Variants in VAV2 observed in about 807,000 individuals in gnomAD.
The protein encoded by VAV2 is vav guanine nucleotide exchange factor 2.
Under a neutral mutation model 132.5 loss-of-function variants are expected in VAV2, and 67 were observed. The ratio of observed to expected loss-of-function variants is 0.51; its 90% CI spans 0.42 to 0.62. The LOEUF (loss-of-function observed/expected upper bound fraction) is 0.62, where lower values mean the gene tolerates loss of function less well. VAV2 is among the 20% of genes least tolerant of loss of function. VAV2 has a pLI of 0.00. For synonymous variants in VAV2, 492 were observed against 443.5 expected (o/e 1.11, Z -1.37); for missense variants, 938 against 1,153.6 (o/e 0.81, Z 2.71).
intron 4 of VAV2, among the ~76,000 whole-genome samples, chr9:133,814,661 G>A (rs2131711470): frequency 6.6e-6 from 1 of 152,370 alleles, no homozygotes; most frequent in East Asian, 1.9e-4. Context: ...AGATCGTCCC[G>A]TGCAGGGATG....
chr9:133,849,139 A>G (rs879877406), intron 3 of VAV2, among the ~76,000 whole-genome samples: 1 of 152,076 alleles, frequency 6.6e-6, no homozygotes, highest in Non-Finnish European at 1.5e-5. Flanking sequence ...AAAGGGAAGG[A>G]CAGGAGTTGG....
At chr9:133,820,358 C>T (rs1835739069) in intron 4 of VAV2, among the ~76,000 whole-genome samples, 1 of 150,436 alleles carries the variant, frequency 6.6e-6, no homozygotes, top group South Asian at 2.1e-4. Context: ...CGGAGTCTCG[C>T]TGTCGCCCAG....
Position 133,773,997 on chromosome 9 carries a change from G to GACC in VAV2, c.2135+935_2135+937dup, listed in dbSNP as rs201470701. 3.5e-3 allele frequency among the ~76,000 whole-genome samples: 538 copies of GACC among 152,218 alleles called. 1 individual carries two copies. The highest frequency in any genetic ancestry group is 0.017 in the Middle Eastern group (5 of 294). The stretch of plus-strand genomic sequence containing the variant: ...TTTCAGCTCCATTATAATCTTACGG[G>GACC]ACCACCACCACATATGGGGTCCCTC... On this transcript the variant is annotated intron_variant, in intron 25 of 29. Coordinates refer to ENST00000371850, the MANE Select transcript of VAV2 (RefSeq NM_001134398.2).
chr9:133,818,365 CAAA>C (rs34171114), intron 4 of VAV2, among the ~76,000 whole-genome samples: 4 of 99,644 alleles, frequency 4.0e-5, no homozygotes. Context: ...GACTCCATCT[CAAA>C]AAAAAAAAAA....
At chr9:133,936,021 C>A (rs560595905) in intron 2 of VAV2, among the ~76,000 whole-genome samples, 2 of 152,120 alleles carry the variant, frequency 1.3e-5, no homozygotes, top group Admixed American at 6.5e-5. Context: ...CCCTGGGGCA[C>A]GTGCGGTGCT....
intron 22 of VAV2, among the ~76,000 whole-genome samples, chr9:133,778,517 G>A (rs925308651): frequency 3.9e-5 from 6 of 152,170 alleles, no homozygotes; most frequent in Admixed American, 2.0e-4. Flanking sequence ...ACGCTGCATC[G>A]CCTACCATGT....
At chr9:133,931,937 C>T (rs908254122) in intron 2 of VAV2, among the ~76,000 whole-genome samples, 10 of 152,208 alleles carry the variant, frequency 6.6e-5, no homozygotes, top group African/African-American at 1.9e-4. Flanking sequence ...GGCGACACCA[C>T]GGCACATGGT....
At chr9:133,784,709 G>A (rs994514478) in intron 17 of VAV2, among the ~76,000 whole-genome samples, 3 of 152,220 alleles carry the variant, frequency 2.0e-5, no homozygotes, top group Non-Finnish European at 4.4e-5. Context: ...GTGGGCAGGT[G>A]TGGGTATTTG....
chr9:133,940,875 T>C (rs927310457), intron 1 of VAV2, among the ~76,000 whole-genome samples: 2 of 151,772 alleles, frequency 1.3e-5, no homozygotes, highest in East Asian at 1.9e-4. Context: ...TAGACCTTAC[T>C]TGCATTTCCC....
intron 1 of VAV2, among the ~76,000 whole-genome samples, chr9:133,950,793 C>A (rs1841533184): frequency 6.6e-6 from 1 of 152,146 alleles, no homozygotes; most frequent in Non-Finnish European, 1.5e-5. Flanking sequence ...GTGAAACGGG[C>A]TCTTGTCTCT....
At chr9:133,854,288 C>G (rs1027985229) in intron 3 of VAV2, among the ~76,000 whole-genome samples, 1 of 150,436 alleles carries the variant, frequency 6.6e-6, no homozygotes, top group South Asian at 2.1e-4. Context: ...TATGCACACA[C>G]ACACACCCAT....
In VAV2 at chr9:133,898,956, G is replaced by A. The variant is rs977724762; in HGVS notation, c.322-37524C>T. On this transcript the variant is annotated intron_variant, in intron 2 of 29. Coordinates refer to ENST00000371850, the MANE Select transcript of VAV2 (RefSeq NM_001134398.2). Reference sequence around the variant, plus strand: ...CCTGCCTCAGCCTCCCCAATAGCTGGGACTACAGGCACCCGCCACCACGCC... The same window carrying A: ...CCTGCCTCAGCCTCCCCAATAGCTGAGACTACAGGCACCCGCCACCACGCC... Among the ~76,000 whole-genome samples the A allele has an allele frequency of 2.3e-4, 35 of 151,604 alleles. 1 individual carries two copies. The highest frequency in any genetic ancestry group is 4.7e-4 in the Non-Finnish European group (32 of 67,948).
chr9:133,897,259 C>A (rs1018372410), intron 2 of VAV2, among the ~76,000 whole-genome samples: 6 of 152,138 alleles, frequency 3.9e-5, no homozygotes, highest in Non-Finnish European at 8.8e-5. Context: ...GAGACTAAGT[C>A]CCCCTCCTTC....
At chr9:133,782,329 C>T (rs1011772396) in intron 19 of VAV2, among the ~76,000 whole-genome samples, 6 of 151,962 alleles carry the variant, frequency 3.9e-5, no homozygotes, top group East Asian at 3.9e-4. Context: ...TGGGGACATG[C>T]GACCACGAGA....
intron 9 of VAV2, among the ~76,000 whole-genome samples, chr9:133,803,110 CCTCA>C (rs1212730890): frequency 3.3e-5 from 5 of 152,050 alleles, no homozygotes; most frequent in Non-Finnish European, 5.9e-5. Context: ...CACAGGGCAG[CCTCA>C]CTCGTTCCAG....
At chr9:133,819,567 C>A (rs1835705471) in intron 4 of VAV2, among the ~76,000 whole-genome samples, 1 of 152,200 alleles carries the variant, frequency 6.6e-6, no homozygotes, top group African/African-American at 2.4e-5. Flanking sequence ...CCCTTCCATC[C>A]AATGTCAGTT....
intron 1 of VAV2, among the ~76,000 whole-genome samples, chr9:133,973,803 G>A (rs1842419574): frequency 6.6e-6 from 1 of 152,198 alleles, no homozygotes; most frequent in African/African-American, 2.4e-5. Flanking sequence ...ACACCTGCGT[G>A]TCCCTAAAGA....
At chr9:133,902,622 G>A (rs536227691) in intron 2 of VAV2, among the ~76,000 whole-genome samples, 4 of 152,288 alleles carry the variant, frequency 2.6e-5, no homozygotes, top group South Asian at 2.1e-4. Flanking sequence ...GGAGTGTTTC[G>A]GGTTGAACTG....
chr9:133,979,643 C>G (rs1391710342), intron 1 of VAV2, among the ~76,000 whole-genome samples: 3 of 152,350 alleles, frequency 2.0e-5, no homozygotes, highest in Admixed American at 2.0e-4. Context: ...CCGGGCCCGG[C>G]CCCGCCTCCG....
Sources: allele counts gnomAD v4.1 joint callset (sites outside exome capture counted in the v4.1 genomes callset), GRCh38; gene constraint gnomAD v4.1.1; transcripts MANE v1.5; gene names NCBI Gene and HGNC (gene_info 2026-07-23, HGNC 2026-07-21).